MOK: variants seen among roughly 807,000 people sequenced by gnomAD.
MOK encodes MOK protein kinase.
In MOK, 59 loss-of-function variants were observed where a neutral mutation model predicts 54.2. That is an observed-to-expected ratio of 1.09 (90% confidence interval 0.88 to 1.35). The LOEUF is 1.35. Ranked by LOEUF, MOK falls within the 40% of genes most tolerant of loss-of-function variation. The pLI, the probability that MOK is intolerant of heterozygous loss-of-function variation, is 0.00. For synonymous variants in MOK, 210 were observed against 202.7 expected (o/e 1.04, Z -0.31); for missense variants, 517 against 526.2 (o/e 0.98, Z 0.17).
the MOK span, among the ~76,000 whole-genome samples, chr14:102,215,194 T>C: frequency 6.6e-6 from 1 of 152,248 alleles, no homozygotes; most frequent in Non-Finnish European, 1.5e-5. Flanking sequence ...CTCGATGAAA[T>C]GTTCTGCGTC....
intron 1 of MOK, among the ~76,000 whole-genome samples, chr14:102,295,442 A>G (rs1387052826): frequency 1.3e-5 from 2 of 152,194 alleles, no homozygotes; most frequent in African/African-American, 4.8e-5. Flanking sequence ...ATTTTTATTC[A>G]TGTGCTGTTT....
intron 4 of MOK, among the ~76,000 whole-genome samples, chr14:102,261,578 G>A (rs1303060202): frequency 1.3e-5 from 2 of 150,078 alleles, no homozygotes; most frequent in Admixed American, 1.3e-4. Flanking sequence ...GCGATGTCCA[G>A]GCTGGAGTGC....
chr14:102,251,506 G>C, intron 6 of MOK: 1 of 580,710 alleles, frequency 1.7e-6, no homozygotes, highest in Non-Finnish European at 3.2e-6. Flanking sequence ...CGTCTGAATA[G>C]GGTTCATTTT....
Position 102,229,155 on chromosome 14 carries a change from C to T in MOK, c.*134G>A, listed in dbSNP as rs529655215. 2,118 of 977,436 alleles carry T rather than the reference C, an allele frequency of 2.2e-3. 4 individuals carry two copies. The highest frequency in any genetic ancestry group is 2.8e-3 in the Non-Finnish European group (1,860 of 674,874). 60.5% of individuals were successfully genotyped at this position (977,436 alleles called of 1,614,324 possible). ...GGTGCGGCAGGGCGCAGGGCAGCAC[C>T]CAGAGCCCCGGCCAGCGCGAAACGG... On this transcript the variant is annotated 3_prime_UTR_variant, in exon 12 of 12. Transcript: ENST00000361847.
Position 102,229,709 on chromosome 14 carries a change from A to C in MOK, c.982-52T>G. On this transcript the variant is annotated intron_variant, in intron 10 of 11. Transcript: ENST00000361847. ...ACATAAAACGCTTTCTGCTTTATGG[A>C]AATTAGGAAAAACGAAAGAGGCTCT... The C allele has an allele frequency of 8.8e-6, 13 of 1,478,114 alleles. No homozygotes were observed. The South Asian group carries it at 1.7e-4, about 19-fold the overall frequency. 91.6% of individuals were successfully genotyped at this position (1,478,114 alleles called of 1,614,324 possible).
chr14:102,268,772 C>T (rs1327605197), intron 2 of MOK, among the ~76,000 whole-genome samples: 3 of 151,900 alleles, frequency 2.0e-5, no homozygotes, highest in African/African-American at 7.3e-5. Flanking sequence ...AAAAATTAGC[C>T]GGGATGGTGG....
intron 1 of MOK, among the ~76,000 whole-genome samples, chr14:102,303,483 C>T (rs1404952327): frequency 6.6e-6 from 1 of 152,026 alleles, no homozygotes; most frequent in African/African-American, 2.4e-5. Flanking sequence ...GCAGGGACAC[C>T]ATATTAAAAG....
At chr14:102,300,987 C>T (rs2072126600) in intron 1 of MOK, among the ~76,000 whole-genome samples, 1 of 152,116 alleles carries the variant, frequency 6.6e-6, no homozygotes, top group Admixed American at 6.6e-5. Context: ...CCCAGCTACT[C>T]AGGAGGCTGA....
At chr14:102,261,385 CAAAAAAAAAAAAAAAAAAAA>C (rs1178540689) in intron 4 of MOK, among the ~76,000 whole-genome samples, 1 of 6,486 alleles carries the variant, frequency 1.5e-4, no homozygotes, top group Non-Finnish European at 3.0e-4. Context: ...CGCCACGTCT[CAAAAAAAAAAAAAAAAAAAA>C]AAAAAAAAAA....
intron 1 of MOK, among the ~76,000 whole-genome samples, chr14:102,292,152 T>C (rs2070825431): frequency 6.6e-6 from 1 of 152,050 alleles, no homozygotes; most frequent in South Asian, 2.1e-4. Flanking sequence ...TGGAACATTT[T>C]TGTTTAGAAA....
At chr14:102,287,873 C>T (rs903970412) in intron 1 of MOK, among the ~76,000 whole-genome samples, 11 of 147,606 alleles carry the variant, frequency 7.5e-5, no homozygotes, top group South Asian at 6.4e-4. Context: ...TCGCCCAGGC[C>T]GGACTGCGGA....
the MOK span, chr14:102,214,734 A>G: frequency 4.5e-5 from 44 of 980,450 alleles, no homozygotes; most frequent in Admixed American, 6.8e-4. Context: ...ATTTCTTGAC[A>G]ACTTGAATAA....
At chr14:102,275,667 G>A (rs1294743802) in intron 2 of MOK, among the ~76,000 whole-genome samples, 2 of 151,302 alleles carry the variant, frequency 1.3e-5, no homozygotes. Flanking sequence ...CAACCTAGAA[G>A]TAGACAAAAA....
chr14:102,297,546 T>A (rs1316961409), intron 1 of MOK, among the ~76,000 whole-genome samples: 1 of 152,210 alleles, frequency 6.6e-6, no homozygotes, highest in East Asian at 1.9e-4. Context: ...TCGGCCTCGG[T>A]GCCCACTCTG....
chr14:102,278,631 G>A (rs1055495234), intron 2 of MOK: 11 of 454,256 alleles, frequency 2.4e-5, no homozygotes, highest in Non-Finnish European at 3.5e-5. Flanking sequence ...GCTCCACGAC[G>A]TGTAGGTTGG....
chr14:102,252,447 C>A lies in MOK; in HGVS notation c.284-452G>T, dbSNP rs529984657. Reference sequence around the variant, plus strand: ...TCCAGCCTGGGCAACAGGAGCAAAACTCCGTCCAAAAAAAAAAAATCTATA... The same window carrying A: ...TCCAGCCTGGGCAACAGGAGCAAAAATCCGTCCAAAAAAAAAAAATCTATA... On this transcript the variant is annotated intron_variant, in intron 4 of 11. Transcript: ENST00000361847. Among the ~76,000 whole-genome samples the A allele has an allele frequency of 1.2e-4, 18 of 151,428 alleles. No individual in the cohort carries two copies. The East Asian group carries it at 3.3e-3, about 28-fold the overall frequency.
chr14:102,251,860 A>G, intron 5 of MOK, 56 bp from the exon 6 acceptor site: 1 of 1,539,276 alleles, frequency 6.5e-7, no homozygotes, highest in Non-Finnish European at 8.9e-7. Context: ...AAATTCTTGA[A>G]TCTGAATGTT....
chr14:102,278,762 T>C, intron 2 of MOK: 1 of 455,900 alleles, frequency 2.2e-6, no homozygotes, highest in Non-Finnish European at 4.4e-6. Context: ...ATGCATATAA[T>C]TCACCTAGTA....
At chr14:102,237,233 C>T (rs879274850) in intron 7 of MOK, among the ~76,000 whole-genome samples, 8 of 152,196 alleles carry the variant, frequency 5.3e-5, no homozygotes, top group Admixed American at 2.6e-4. Flanking sequence ...TCCTTCAATA[C>T]GTGGACAATC....
Sources: allele counts gnomAD v4.1 joint callset (sites outside exome capture counted in the v4.1 genomes callset), GRCh38; gene constraint gnomAD v4.1.1; transcripts MANE v1.5; gene names NCBI Gene and HGNC (gene_info 2026-07-23, HGNC 2026-07-21).